PCSK6: variants seen among roughly 807,000 people sequenced by gnomAD.
PCSK6 encodes paired basic amino acid cleaving enzyme 4.
In PCSK6, 85 loss-of-function variants were observed where a neutral mutation model predicts 123.3. The observed-to-expected ratio is 0.69, with a 90% CI of 0.58 to 0.83. PCSK6 has a LOEUF of 0.83. Ranked by LOEUF, PCSK6 falls within the 40% of genes least tolerant of loss-of-function variation. PCSK6 has a pLI of 0.00. For missense variants in PCSK6, 1,191 were observed against 1,282.3 expected (o/e 0.93, Z 1.09); for synonymous variants, 508 against 516.0 (o/e 0.98, Z 0.21).
At chr15:101,464,609 G>A (rs2057413503) in intron 1 of PCSK6, among the ~76,000 whole-genome samples, 1 of 152,142 alleles carries the variant, frequency 6.6e-6, no homozygotes, top group Non-Finnish European at 1.5e-5. Context: ...TGGGGTCCAA[G>A]GATTTTCATT....
At chr15:101,452,756 C>G (rs1049536671) in intron 1 of PCSK6, among the ~76,000 whole-genome samples, 1 of 152,148 alleles carries the variant, frequency 6.6e-6, no homozygotes, top group African/African-American at 2.4e-5. Flanking sequence ...TGGTTACCCA[C>G]AGAGCACAGA....
At chr15:101,451,548 C>T (rs1200156967) in intron 1 of PCSK6, among the ~76,000 whole-genome samples, 2 of 151,196 alleles carry the variant, frequency 1.3e-5, no homozygotes, top group African/African-American at 2.5e-5. Context: ...GATGAGGCTT[C>T]TGACTTTGCA....
intron 13 of PCSK6, among the ~76,000 whole-genome samples, chr15:101,332,339 T>C (rs2239858): frequency 0.56 from 85,373 of 152,102 alleles, 24,337 homozygotes; most frequent in African/African-American, 0.64. Flanking sequence ...GGCTGTCCTC[T>C]GCCCTGCTGA....
chr15:101,315,239 C>A (rs571725850), intron 19 of PCSK6, among the ~76,000 whole-genome samples: 6 of 152,320 alleles, frequency 3.9e-5, no homozygotes, highest in East Asian at 1.9e-4. Flanking sequence ...TGCCACCGAA[C>A]TGTATGCCTA....
chr15:101,346,630 C>T (rs2040736866), intron 13 of PCSK6: 2 of 532,326 alleles, frequency 3.8e-6, no homozygotes, highest in South Asian at 1.0e-4. Flanking sequence ...CCGAACCATG[C>T]AGGCAACAGG....
chr15:101,305,211 G>A lies in PCSK6; in HGVS notation c.*47C>T, dbSNP rs374745335. 2.1e-5 allele frequency: 30 copies of A among 1,458,912 alleles called. No individual in the cohort carries two copies. Among genetic ancestry groups the A allele is most frequent in the East Asian group, 7.0e-5 (3 of 42,878 alleles). 90.4% of individuals were successfully genotyped at this position (1,458,912 alleles called of 1,614,324 possible). On this transcript the variant is annotated 3_prime_UTR_variant, in exon 22 of 22. Transcript: ENST00000611716. This position sits in a 1 kb window ranked among gnomAD's most constrained non-coding sequence, Gnocchi z 4.8. ...GCCGACAGTCTGGAGGAAGGTGGAC[G>A]GATGGATGGATGGGAGTGCCTGCCC...
rs761112840 is a variant in PCSK6 at position 101,431,434 on chromosome 15, C to A, written c.543G>T (p.Arg181=). 5 of 1,613,832 alleles carry A rather than the reference C, an allele frequency of 3.1e-6. No individual in the cohort carries two copies. The Admixed American group carries it at 6.7e-5, about 22-fold the overall frequency. ...LHCGDKNSRC[R]SEMNVQAAWK... ...ACGCTGCCTGGACATTCATTTCCGA[C>A]CGGCAGCGACTGTTCTTGTCGCCAC... Residue 181 remains arginine (R), a synonymous_variant, in exon 4 of 22, where the codon CGG becomes CGT. Transcript: ENST00000611716.
intron 1 of PCSK6, among the ~76,000 whole-genome samples, chr15:101,451,656 G>A (rs1422226733): frequency 4.6e-5 from 7 of 152,348 alleles, no homozygotes; most frequent in South Asian, 2.1e-4. Context: ...GCCTGCTTCC[G>A]GAGCCGCTTG....
intron 13 of PCSK6, among the ~76,000 whole-genome samples, chr15:101,350,675 T>C (rs2040866085): frequency 6.6e-6 from 1 of 152,212 alleles, no homozygotes; most frequent in South Asian, 2.1e-4. Flanking sequence ...GCGACGTATA[T>C]TCCTGGGGAG....
At chr15:101,411,031 G>T (rs1221005310) in intron 6 of PCSK6, among the ~76,000 whole-genome samples, 1 of 152,194 alleles carries the variant, frequency 6.6e-6, no homozygotes, top group Non-Finnish European at 1.5e-5. Flanking sequence ...CCTCTCCCCA[G>T]GGCCTGGATC....
intron 6 of PCSK6, among the ~76,000 whole-genome samples, chr15:101,404,075 GGT>G (rs2042696953): frequency 6.6e-6 from 1 of 152,250 alleles, no homozygotes; most frequent in South Asian, 2.1e-4. Flanking sequence ...ATCCTTTGTT[GGT>G]AATGCAGGTT....
chr15:101,472,987 C>A (rs2057642823), intron 1 of PCSK6, among the ~76,000 whole-genome samples: 1 of 152,164 alleles, frequency 6.6e-6, no homozygotes, highest in Non-Finnish European at 1.5e-5. Context: ...AGTTCTGGTC[C>A]CTCAATGTGA....
intron 1 of PCSK6, among the ~76,000 whole-genome samples, chr15:101,484,118 C>CA (rs1384813301): frequency 2.0e-5 from 3 of 151,636 alleles, no homozygotes; most frequent in African/African-American, 7.3e-5. Flanking sequence ...TACCCTGATA[C>CA]AAAGAAAAAA....
chr15:101,354,898 A>G (rs1195971664), intron 13 of PCSK6, among the ~76,000 whole-genome samples: 1 of 152,244 alleles, frequency 6.6e-6, no homozygotes, highest in Non-Finnish European at 1.5e-5. Context: ...TAGCAAGAAT[A>G]ACTTTTCCTG....
Position 101,305,992 on chromosome 15 carries a change from G to A in PCSK6, c.2813-637C>T, listed in dbSNP as rs2039714863. On this transcript the variant is annotated intron_variant, in intron 21 of 21. Transcript: ENST00000611716. This position sits in a 1 kb window ranked among gnomAD's most constrained non-coding sequence, Gnocchi z 4.8. The stretch of plus-strand genomic sequence containing the variant: ...GGAGAACACCCAGCCTGGGCCTGTG[G>A]GGCACATGTGCACCTGTCTTTCTGG... Among the ~76,000 whole-genome samples, 2 of 152,164 alleles carry A rather than the reference G, an allele frequency of 1.3e-5. No individual in the cohort carries two copies. Among genetic ancestry groups the A allele is most frequent in the African/African-American group, 4.8e-5 (2 of 41,444 alleles).
intron 13 of PCSK6, among the ~76,000 whole-genome samples, chr15:101,339,514 C>T (rs972701964): frequency 6.6e-6 from 1 of 152,284 alleles, no homozygotes; most frequent in South Asian, 2.1e-4. Flanking sequence ...TACAAAAACA[C>T]CCCTATAATT....
chr15:101,412,031 T>C (rs970075619), intron 6 of PCSK6, among the ~76,000 whole-genome samples: 3 of 152,108 alleles, frequency 2.0e-5, no homozygotes, highest in Non-Finnish European at 4.4e-5. Flanking sequence ...TGTGGGGTCA[T>C]GGGAGGCACA....
intron 6 of PCSK6, among the ~76,000 whole-genome samples, chr15:101,409,239 C>T (rs763002940): frequency 6.6e-6 from 1 of 151,958 alleles, no homozygotes; most frequent in African/African-American, 2.4e-5. Context: ...GGGCGGATCA[C>T]GAGGTCAGGA....
chr15:101,376,293 T>A (rs892571702), intron 11 of PCSK6, among the ~76,000 whole-genome samples: 6 of 152,088 alleles, frequency 3.9e-5, no homozygotes, highest in African/African-American at 1.4e-4. Flanking sequence ...CTGTTTGAAA[T>A]GGCCCCAAGT....
Sources: allele counts gnomAD v4.1 joint callset (sites outside exome capture counted in the v4.1 genomes callset), GRCh38; gene constraint gnomAD v4.1.1; non-coding constraint Gnocchi (gnomAD v3.1); transcripts MANE v1.5; gene names NCBI Gene and HGNC (gene_info 2026-07-23, HGNC 2026-07-21).